The following ADGRB3 variants were observed in gnomAD, a reference collection of about 807,000 sequenced individuals.
ADGRB3 encodes brain-specific angiogenesis inhibitor 3.
Under a neutral mutation model 193.4 loss-of-function variants are expected in ADGRB3, and 37 were observed. The ratio of observed to expected loss-of-function variants is 0.19; its 90% CI spans 0.15 to 0.25. ADGRB3 has a LOEUF of 0.25. Among genes scored for constraint, ADGRB3 ranks in the 10% least tolerant of loss-of-function variants. The probability of loss-of-function intolerance (pLI) is 1.00; values close to 1 mark genes in which losing one functional copy is unlikely to be tolerated. For synonymous variants in ADGRB3, 690 were observed against 644.2 expected, an observed-to-expected ratio of 1.07 and a Z score of -1.08; for missense variants, 1,637 against 1,852.9, an observed-to-expected ratio of 0.88 and a Z score of 2.14.
intron 3 of ADGRB3, among the ~76,000 whole-genome samples, chr6:68,715,250 C>T (rs747762220): frequency 6.6e-6 from 1 of 151,272 alleles, no homozygotes; most frequent in Non-Finnish European, 1.5e-5. Flanking sequence ...TTCTATAAGC[C>T]TCTCGGTAGT....
chr6:68,795,070 A>G (rs1767180897), intron 3 of ADGRB3, among the ~76,000 whole-genome samples: 1 of 152,094 alleles, frequency 6.6e-6, no homozygotes, highest in South Asian at 2.1e-4. Context: ...GGAGAGCCCA[A>G]GTAATGAGGC....
intron 19 of ADGRB3, 27 bp from the exon 20 acceptor site, chr6:69,239,097 T>C: frequency 7.2e-7 from 1 of 1,384,350 alleles, no homozygotes. Flanking sequence ...GATTTTAAAG[T>C]TGGGTAACTT....
At chr6:69,354,094 T>C in intron 26 of ADGRB3, 139 bp from the exon 27 acceptor site, 1 of 537,720 alleles carries the variant, frequency 1.9e-6, no homozygotes, top group Non-Finnish European at 3.3e-6. Flanking sequence ...ATAATAAGTT[T>C]TTTTAAAAAG....
chr6:69,273,962 G>T (rs951481426), intron 20 of ADGRB3, among the ~76,000 whole-genome samples: 8 of 152,194 alleles, frequency 5.3e-5, no homozygotes, highest in African/African-American at 1.9e-4. Context: ...AATAGCTCTG[G>T]AAGCTGATCT....
chr6:68,841,814 A>T (rs2127387599), intron 3 of ADGRB3, among the ~76,000 whole-genome samples: 1 of 152,244 alleles, frequency 6.6e-6, no homozygotes, highest in East Asian at 1.9e-4. Flanking sequence ...GAAAATTAAA[A>T]CAATTGAACA....
intron 7 of ADGRB3, 113 bp downstream of exon 7, chr6:68,956,301 ATGTGTG>A (rs3831272): frequency 1.2e-4 from 107 of 879,196 alleles, no homozygotes; most frequent in African/African-American, 3.6e-4. Flanking sequence ...TTATATATAT[ATGTGTG>A]TGTGTGTGTG....
chr6:68,754,089 C>T (rs976826522), intron 3 of ADGRB3, among the ~76,000 whole-genome samples: 2 of 151,958 alleles, frequency 1.3e-5, no homozygotes, highest in Admixed American at 1.3e-4. Flanking sequence ...GATTTGGGTC[C>T]CTCATTTAGT....
At chr6:69,276,324 A>G (rs1390255967) in intron 20 of ADGRB3, among the ~76,000 whole-genome samples, 1 of 152,208 alleles carries the variant, frequency 6.6e-6, no homozygotes, top group Non-Finnish European at 1.5e-5. Context: ...CCAAATAGAG[A>G]AGAAATTAAA....
chr6:69,310,106 T>G (rs1351910731), intron 20 of ADGRB3, among the ~76,000 whole-genome samples: 1 of 151,762 alleles, frequency 6.6e-6, no homozygotes, highest in African/African-American at 2.4e-5. Flanking sequence ...ACTCACGACA[T>G]AAGAATAAAA....
At chr6:69,337,831 T>C (rs2127318498) in intron 24 of ADGRB3, among the ~76,000 whole-genome samples, 1 of 152,308 alleles carries the variant, frequency 6.6e-6, no homozygotes, top group Admixed American at 6.5e-5. Context: ...ATGAGCATCT[T>C]ACAACTTTCT....
intron 3 of ADGRB3, among the ~76,000 whole-genome samples, chr6:68,843,176 T>A (rs1768198400): frequency 6.6e-6 from 1 of 151,784 alleles, no homozygotes. Flanking sequence ...GGAAGTCCTA[T>A]CTAGAGCAAT....
At chr6:69,197,343 T>G (rs900317606) in intron 17 of ADGRB3, among the ~76,000 whole-genome samples, 1 of 152,118 alleles carries the variant, frequency 6.6e-6, no homozygotes, top group Non-Finnish European at 1.5e-5. Context: ...CATATACATG[T>G]GTATTATAGT....
intron 3 of ADGRB3, among the ~76,000 whole-genome samples, chr6:68,771,660 C>T (rs966475865): frequency 2.0e-5 from 3 of 152,022 alleles, no homozygotes; most frequent in African/African-American, 7.2e-5. Flanking sequence ...AAATAGGAAG[C>T]AAGCAAACAA....
chr6:68,819,898 T>A (rs1257102703), intron 3 of ADGRB3, among the ~76,000 whole-genome samples: 1 of 152,096 alleles, frequency 6.6e-6, no homozygotes, highest in Non-Finnish European at 1.5e-5. Context: ...TTTCCCCGAA[T>A]ATCATCAAAT....
intron 17 of ADGRB3, among the ~76,000 whole-genome samples, chr6:69,116,732 A>T (rs1018114704): frequency 6.6e-6 from 1 of 152,158 alleles, no homozygotes; most frequent in Non-Finnish European, 1.5e-5. Context: ...AAAGTATATG[A>T]TTTTCGGAAT....
intron 20 of ADGRB3, among the ~76,000 whole-genome samples, chr6:69,271,938 G>T (rs1204388633): frequency 6.6e-6 from 1 of 151,968 alleles, no homozygotes; most frequent in Non-Finnish European, 1.5e-5. Context: ...AGTGTAGAAA[G>T]GTACCATTTC....
chr6:69,040,706 A>AAAAC lies in ADGRB3; in HGVS notation c.2108-7472_2108-7469dup, dbSNP rs1262899338. On this transcript the variant is annotated intron_variant, in intron 13 of 31. Coordinates refer to ENST00000370598, the MANE Select transcript of ADGRB3 (RefSeq NM_001704.3). ...AAAAAAAAAAAAAAAAAAAAAAAAA[A>AAAAC]AAACAAACAAGAATTTGAAGTTGAT... Among the ~76,000 whole-genome samples the AAAAC allele has an allele frequency of 9.4e-3, 1,043 of 110,414 alleles. 1 individual carries two copies. The highest frequency in any genetic ancestry group is 0.013 in the Non-Finnish European group (709 of 56,424). The allele number at this position is 110,414 out of a possible 152,430, so 72.4% of individuals were successfully genotyped here. A position where few individuals can be genotyped will look rare whatever the true frequency, so the allele number is the denominator to read the frequency against.
intron 3 of ADGRB3, among the ~76,000 whole-genome samples, chr6:68,839,287 C>T (rs1365613405): frequency 6.6e-6 from 1 of 152,170 alleles, no homozygotes; most frequent in East Asian, 1.9e-4. Context: ...GTTCCTCTGC[C>T]ATTCCTCTGC....
intron 17 of ADGRB3, among the ~76,000 whole-genome samples, chr6:69,206,747 C>T (rs954760915): frequency 3.3e-5 from 5 of 152,156 alleles, no homozygotes; most frequent in East Asian, 1.9e-4. Context: ...TTACAGTCCT[C>T]GTTTCTGCAG....
Sources: allele counts gnomAD v4.1 joint callset (sites outside exome capture counted in the v4.1 genomes callset), GRCh38; gene constraint gnomAD v4.1.1; transcripts MANE v1.5; gene names NCBI Gene and HGNC (gene_info 2026-07-23, HGNC 2026-07-21).